The following PPP6R3 variants were observed in gnomAD, a reference collection of about 807,000 sequenced individuals.
PPP6R3 encodes serine/threonine-protein phosphatase 6 regulatory subunit 3.
A neutral mutation model predicts 110.7 loss-of-function variants in PPP6R3; 38 were observed. That is an observed-to-expected ratio of 0.34 (90% CI 0.26 to 0.45). The LOEUF (loss-of-function observed/expected upper bound fraction) is 0.45, where lower values mean the gene tolerates loss of function less well. Ranked by LOEUF, PPP6R3 falls within the 20% of genes least tolerant of loss-of-function variation. The pLI is 1.00. For synonymous variants in PPP6R3, 369 were observed against 373.5 expected (o/e 0.99, Z 0.14); for missense variants, 870 against 1,062.4 (o/e 0.82, Z 2.52).
At chr11:68,595,959 G>A in intron 18 of PPP6R3, 138 bp from the exon 19 acceptor site, 6 of 1,099,710 alleles carry the variant, frequency 5.5e-6, no homozygotes, top group Non-Finnish European at 7.8e-6. Flanking sequence ...CGGGCATCCT[G>A]ACCACGTGGT....
chr11:68,511,070 CTTTT>C (rs59968909), intron 1 of PPP6R3, among the ~76,000 whole-genome samples: 2 of 143,796 alleles, frequency 1.4e-5, no homozygotes, highest in East Asian at 2.0e-4. Flanking sequence ...ACCATGCATA[CTTTT>C]TTTTTTTTTT....
chr11:68,527,768 T>C (rs2099207958), intron 2 of PPP6R3, among the ~76,000 whole-genome samples: 1 of 152,256 alleles, frequency 6.6e-6, no homozygotes, highest in African/African-American at 2.4e-5. Context: ...CTTTGTGGTC[T>C]GGCCTTGTGT....
rs67739319 is a variant in PPP6R3 at position 68,506,414 on chromosome 11, CAAAAAAAAAAAAAAAAAAAAAAAAAAAA to C, written c.-157-13080_-157-13053del. The stretch of plus-strand genomic sequence containing the variant: ...ACTGCTGCACCCAGCCCTTTATACT[CAAAAAAAAAAAAAAAAAAAAAAAAAAAA>C]AAAAAATTCCTAACTGTAAATTGAT... On this transcript the variant is annotated intron_variant, in intron 1 of 23. Coordinates refer to ENST00000393800, the MANE Select transcript of PPP6R3 (RefSeq NM_001164161.2). Among the ~76,000 whole-genome samples the C allele has an allele frequency of 6.5e-5, 3 of 46,048 alleles. No individual in the cohort carries two copies. The Admixed American group carries it at 1.1e-3, about 17-fold the overall frequency. 30.2% of individuals were successfully genotyped at this position (46,048 alleles called of 152,430 possible).
chr11:68,496,303 A>G (rs2099015456), intron 1 of PPP6R3, among the ~76,000 whole-genome samples: 1 of 151,556 alleles, frequency 6.6e-6, no homozygotes, highest in Non-Finnish European at 1.5e-5. Flanking sequence ...TTGGGATTAC[A>G]GGTGTGAGCC....
chr11:68,496,896 CT>C (rs2153461512), intron 1 of PPP6R3, among the ~76,000 whole-genome samples: 1 of 103,190 alleles, frequency 9.7e-6, no homozygotes, highest in South Asian at 3.5e-4. Context: ...GAGTCTTGCT[CT>C]GTTGCCCAGG....
intron 1 of PPP6R3, among the ~76,000 whole-genome samples, chr11:68,510,244 G>A (rs960058683): frequency 1.3e-5 from 2 of 151,756 alleles, no homozygotes; most frequent in African/African-American, 4.8e-5. Flanking sequence ...CGATACTCAG[G>A]TTAAGTGATT....
chr11:68,510,577 C>T (rs975496896), intron 1 of PPP6R3, among the ~76,000 whole-genome samples: 1 of 152,058 alleles, frequency 6.6e-6, no homozygotes, highest in Non-Finnish European at 1.5e-5. Flanking sequence ...CTCAGGTGAT[C>T]CTCCTGCCTT....
rs117412791 is a variant in PPP6R3, at chr11:68,538,846, G to A, written c.227+955G>A. Among the ~76,000 whole-genome samples, 83 of 152,304 alleles carry A rather than the reference G, an allele frequency of 5.4e-4. No homozygotes were observed. In the East Asian group the frequency reaches 0.013, roughly 23 times the overall value. On this transcript the variant is annotated intron_variant, in intron 3 of 23. Coordinates refer to ENST00000393800, the MANE Select transcript of PPP6R3 (RefSeq NM_001164161.2). ...AATAAAAGAGGAGGAAAGGCTGGGCGCGGTGGCTCATGCCTGTAATCCCAG... is the reference window on the plus strand; with the variant it reads ...AATAAAAGAGGAGGAAAGGCTGGGCACGGTGGCTCATGCCTGTAATCCCAG...
At chr11:68,462,948 A>G (rs2098718913) in intron 1 of PPP6R3, among the ~76,000 whole-genome samples, 1 of 152,260 alleles carries the variant, frequency 6.6e-6, no homozygotes, top group Non-Finnish European at 1.5e-5. Context: ...TGTGTAAAGT[A>G]TAGCAAAGCA....
At chr11:68,474,763 TTTTTCCTGAGTCACA>T (rs2098816288) in intron 1 of PPP6R3, among the ~76,000 whole-genome samples, 1 of 152,308 alleles carries the variant, frequency 6.6e-6, no homozygotes, top group African/African-American at 2.4e-5. Flanking sequence ...AAATCTTTGT[TTTTTCCTGAGTCACA>T]TTTGGTAGTT....
intron 1 of PPP6R3, among the ~76,000 whole-genome samples, chr11:68,504,004 C>T (rs1465987094): frequency 6.6e-6 from 1 of 152,170 alleles, no homozygotes; most frequent in East Asian, 1.9e-4. Context: ...GCCACTTGGC[C>T]ATGTACCTCA....
chr11:68,597,981 G>GA (rs376459321), intron 19 of PPP6R3, among the ~76,000 whole-genome samples: 75 of 145,766 alleles, frequency 5.1e-4, no homozygotes, highest in Middle Eastern at 3.5e-3. Flanking sequence ...TCCATCTGGG[G>GA]AAAAAAAAAA....
chr11:68,597,432 A>AG (rs1204912322), intron 19 of PPP6R3, among the ~76,000 whole-genome samples: 1 of 152,224 alleles, frequency 6.6e-6, no homozygotes, highest in Non-Finnish European at 1.5e-5. Flanking sequence ...GGAGCCCTTG[A>AG]GGATTTGACT....
chr11:68,517,403 A>G lies in PPP6R3; in HGVS notation c.-157-2098A>G, dbSNP rs73521409. On this transcript the variant is annotated intron_variant, in intron 1 of 23. Coordinates refer to ENST00000393800, the MANE Select transcript of PPP6R3 (RefSeq NM_001164161.2). The stretch of plus-strand genomic sequence containing the variant: ...GGACAGAGGAAGTGACAGCCTCAGT[A>G]TCTATGAACGTACTTTGCTCTAAGA... Among the ~76,000 whole-genome samples the G allele has an allele frequency of 6.9e-3, 1,049 of 152,280 alleles. 13 individuals carry two copies. The highest frequency in any genetic ancestry group is 0.023 in the African/African-American group (967 of 41,542).
intron 2 of PPP6R3, among the ~76,000 whole-genome samples, chr11:68,525,467 C>CT (rs1310689908): frequency 6.6e-6 from 1 of 152,132 alleles, no homozygotes; most frequent in Non-Finnish European, 1.5e-5. Flanking sequence ...TTTAATTTTT[C>CT]TTGCACGTTA....
intron 1 of PPP6R3, among the ~76,000 whole-genome samples, chr11:68,509,744 A>ATTTTTTTTT (rs59022544): frequency 9.8e-6 from 1 of 102,152 alleles, no homozygotes; most frequent in Admixed American, 1.2e-4. Flanking sequence ...CATGTGGCTA[A>ATTTTTTTTT]TTTTTTTTTT....
In PPP6R3 at chr11:68,543,316, G is replaced by C. The variant is rs139536125; in HGVS notation, c.228-1522G>C. The stretch of plus-strand genomic sequence containing the variant: ...CTGGGATAATGGGTACTTTACAGGG[G>C]TTTATATTCTGGCATCTTGAAGCCC... On this transcript the variant is annotated intron_variant, in intron 3 of 23. Transcript: ENST00000393800. Among the ~76,000 whole-genome samples, 32 of 152,034 alleles carry C rather than the reference G, an allele frequency of 2.1e-4. No individual in the cohort carries two copies. The East Asian group carries it at 5.6e-3, about 27-fold the overall frequency.
chr11:68,480,885 A>G (rs570173449), intron 1 of PPP6R3, among the ~76,000 whole-genome samples: 3 of 152,222 alleles, frequency 2.0e-5, no homozygotes, highest in Non-Finnish European at 4.4e-5. Context: ...GAGATTTTCA[A>G]CTCTTTTACA....
chr11:68,537,848 A>C lies in PPP6R3; in HGVS notation c.184A>C (p.Ile62Leu). ...ECLEDLVSFIIEEPPQDMDEK... is the reference protein window; with the variant it reads ...ECLEDLVSFILEEPPQDMDEK... The stretch of plus-strand genomic sequence containing the variant: ...TCTCGAAGATTTAGTCTCATTCATT[A>C]TAGAAGAACCACCTCAAGACATGGA... The change falls in exon 3 of 24, where the codon ATA becomes CTA. Residue 62 changes from isoleucine (I) to leucine (L), a missense_variant. Ile to Leu is a conservative substitution (Grantham distance 5, BLOSUM62 2). Coordinates refer to ENST00000393800, the MANE Select transcript of PPP6R3 (RefSeq NM_001164161.2). 1 of 1,613,892 alleles carries C rather than the reference A, an allele frequency of 6.2e-7. No individual in the cohort carries two copies. Among genetic ancestry groups the C allele is most frequent in the African/African-American group, 1.3e-5 (1 of 75,068 alleles).
Sources: allele counts gnomAD v4.1 joint callset (sites outside exome capture counted in the v4.1 genomes callset), GRCh38; gene constraint gnomAD v4.1.1; transcripts MANE v1.5; gene names NCBI Gene and HGNC (gene_info 2026-07-23, HGNC 2026-07-21).